The following HAUS5 variants were observed in gnomAD, a reference collection of about 807,000 sequenced individuals.
HAUS5 encodes HAUS augmin-like complex subunit 5.
HAUS5 carries 67 observed loss-of-function variants against 94.1 expected under a neutral mutation model. The observed-to-expected ratio is 0.71, with a 90% CI of 0.58 to 0.87. The LOEUF is 0.87. Among genes scored for constraint, HAUS5 ranks in the 40% least tolerant of loss-of-function variants. The probability of loss-of-function intolerance (pLI) is 0.00; values close to 1 mark genes in which losing one functional copy is unlikely to be tolerated. For synonymous variants in HAUS5, 339 were observed against 355.4 expected, an observed-to-expected ratio of 0.95 and a Z score of 0.52; for missense variants, 739 against 825.6, an observed-to-expected ratio of 0.90 and a Z score of 1.29.
chr19:35,619,570 T>TG, intron 14 of HAUS5, 43 bp from the exon 15 acceptor site: 1 of 1,590,792 alleles, frequency 6.3e-7, no homozygotes, highest in Non-Finnish European at 8.6e-7. Flanking sequence ...TGGGTGGACT[T>TG]GTGATGTTGT....
rs766106681 is a variant in HAUS5, at chr19:35,620,001, C to G, written c.1407-11C>G. 2.9e-5 allele frequency: 46 copies of G among 1,611,340 alleles called. No individual in the cohort carries two copies. Among genetic ancestry groups the G allele is most frequent in the Non-Finnish European group, 3.5e-5 (41 of 1,178,322 alleles). ...AGTCCCCACCCAACCCAGACTTCTC[C>G]CCGCCCGTAGGTTGAAGCCCCTGCC... On this transcript the variant is annotated splice_polypyrimidine_tract_variant and intron_variant, in intron 15 of 18. Coordinates refer to ENST00000203166, the MANE Select transcript of HAUS5 (RefSeq NM_015302.2).
At chr19:35,618,803 C>G in intron 12 of HAUS5, 84 bp from the exon 13 acceptor site, 1 of 1,520,876 alleles carries the variant, frequency 6.6e-7, no homozygotes, top group East Asian at 2.3e-5. Flanking sequence ...GCCTCCTCTC[C>G]CTGCAGTGTC....
At chr19:35,613,846 T>C in intron 2 of HAUS5, 22 bp from the exon 3 acceptor site, 2 of 1,614,078 alleles carry the variant, frequency 1.2e-6, no homozygotes, top group Non-Finnish European at 1.7e-6. Context: ...TAGTAACTCC[T>C]CTTTCTGCCT....
At position 35,620,085 on chromosome 19, in the gene HAUS5, A is replaced by C. The variant is rs1254257969; in HGVS notation, c.1480A>C (p.Ile494Leu). 1.9e-5 allele frequency: 31 copies of C among 1,613,370 alleles called. No homozygotes were observed. The highest frequency in any genetic ancestry group is 2.5e-5 in the Non-Finnish European group (29 of 1,179,850). Residue 494 changes from isoleucine (I) to leucine (L), a missense_variant, in exon 16 of 19, where the codon ATA becomes CTA. Physicochemically the swap from Ile to Leu is conservative, Grantham distance 5. Transcript: ENST00000203166. ...HPASPRGSSF[I>L]ALSHKLGLPP... ...CGCGTCCCCAAGGGGCTCCAGCTTC[A>C]TAGCGCTGAGCCACAAGCTGGGGCT... is the stretch of plus-strand genomic sequence containing the variant.
chr19:35,618,025 C>T, intron 9 of HAUS5, 46 bp from the exon 10 acceptor site: 8 of 1,586,934 alleles, frequency 5.0e-6, no homozygotes, highest in Non-Finnish European at 6.9e-6. Flanking sequence ...TCTCAGCTCA[C>T]AGCCCTGCCC....
intron 17 of HAUS5, among the ~76,000 whole-genome samples, chr19:35,621,982 G>A (rs1376340286): frequency 6.6e-6 from 1 of 152,218 alleles, no homozygotes; most frequent in African/African-American, 2.4e-5. Context: ...CACCGCTAGG[G>A]TGAAGCTAGA....
At chr19:35,617,643 G>A (rs999461369) in intron 8 of HAUS5, among the ~76,000 whole-genome samples, 3 of 152,086 alleles carry the variant, frequency 2.0e-5, no homozygotes, top group African/African-American at 7.2e-5. Flanking sequence ...GTTCTCTGGT[G>A]AGGAGGCTTA....
chr19:35,620,098 A>G lies in HAUS5; in HGVS notation c.1493A>G (p.His498Arg). The change falls in exon 16 of 19, where the codon CAC becomes CGC. Residue 498 changes from histidine to arginine, a missense_variant. Transcript: ENST00000203166. ...PRGSSFIALS[H>R]KLGLPPGKAS... ...GGCTCCAGCTTCATAGCGCTGAGCC[A>G]CAAGCTGGGGCTGCCTCCAGGGAAG... 6.2e-7 allele frequency: 1 copy of G among 1,613,508 alleles called. No homozygotes were observed. The highest frequency in any genetic ancestry group is 8.5e-7 in the Non-Finnish European group (1 of 1,179,796).
Position 35,618,919 on chromosome 19 carries a change from G to T in HAUS5, c.1049G>T (p.Cys350Phe), listed in dbSNP as rs745432675. 6.2e-7 allele frequency: 1 copy of T among 1,612,092 alleles called. No homozygotes were observed. The highest frequency in any genetic ancestry group is 1.7e-5 in the Admixed American group (1 of 59,390). ...QVLILGLRRC[C>F]LWTELKALHD... ...CTGATACTGGGGCTTCGGCGCTGTT[G>T]CCTGTGGACGGAGCTCAAGGCCCTG... Residue 350 changes from cysteine to phenylalanine, a missense_variant, in exon 13 of 19, where the codon TGC (cysteine) becomes TTC (phenylalanine). By Grantham distance (205) the Cys-to-Phe change is radical. Coordinates refer to ENST00000203166, the MANE Select transcript of HAUS5 (RefSeq NM_015302.2).
At position 35,618,940 on chromosome 19, in the gene HAUS5, C is replaced by T. The variant is rs761505107; in HGVS notation, c.1070C>T (p.Ala357Val). 2.5e-6 allele frequency: 4 copies of T among 1,613,686 alleles called. No homozygotes were observed. The highest frequency in any genetic ancestry group is 2.2e-5 in the East Asian group (1 of 44,874). The change falls in exon 13 of 19, where the codon GCC (alanine) becomes GTC (valine). Residue 357 changes from alanine to valine, a missense_variant. Coordinates refer to ENST00000203166, the MANE Select transcript of HAUS5 (RefSeq NM_015302.2). ...RRCCLWTELK[A>V]LHDQSQELQD... Reference sequence around the variant, plus strand: ...TGTTGCCTGTGGACGGAGCTCAAGGCCCTGCACGATCAGAGCCAGGAGCTG... The same window carrying T: ...TGTTGCCTGTGGACGGAGCTCAAGGTCCTGCACGATCAGAGCCAGGAGCTG...
chr19:35,614,224 T>C, intron 4 of HAUS5, 165 bp downstream of exon 4: 1 of 683,962 alleles, frequency 1.5e-6, no homozygotes, highest in South Asian at 1.7e-5. Context: ...CAGCATTAGC[T>C]CAGCCAGGTG....
chr19:35,612,965 C>T (rs1415524345), intron 1 of HAUS5, 73 bp downstream of exon 1: 28 of 1,052,788 alleles, frequency 2.7e-5, no homozygotes, highest in Non-Finnish European at 3.6e-5. Context: ...CTCCACCCCT[C>T]ATTGAGGACT....
intron 17 of HAUS5, among the ~76,000 whole-genome samples, chr19:35,622,077 C>T (rs1235860555): frequency 6.6e-5 from 10 of 152,166 alleles, no homozygotes; most frequent in East Asian, 3.9e-4. Context: ...CCCTGGGAAT[C>T]GGCCAGGCTT....
intron 6 of HAUS5, 28 bp from the exon 7 acceptor site, chr19:35,617,096 C>G: frequency 1.2e-6 from 2 of 1,600,780 alleles, no homozygotes; most frequent in South Asian, 1.1e-5. Flanking sequence ...CCCAGGGACC[C>G]CAGCCCCAGC....
At chr19:35,613,670 A>G in intron 1 of HAUS5, 60 bp from the exon 2 acceptor site, 1 of 1,489,850 alleles carries the variant, frequency 6.7e-7, no homozygotes. Flanking sequence ...TCACCCTAGG[A>G]ATGAGGATCC....
chr19:35,616,637 C>T (rs776376262), intron 6 of HAUS5, among the ~76,000 whole-genome samples: 133 of 152,262 alleles, frequency 8.7e-4, no homozygotes, highest in Non-Finnish European at 1.5e-3. Context: ...CCTGCCTCAG[C>T]CTCCCCAGTA....
At chr19:35,615,530 A>G (rs894735662) in intron 6 of HAUS5, 144 bp downstream of exon 6, 5 of 656,838 alleles carry the variant, frequency 7.6e-6, no homozygotes, top group African/African-American at 5.5e-5. Context: ...AGGTTTTGTC[A>G]TCTCAGTCAC....
chr19:35,620,239 C>T lies in HAUS5; in HGVS notation c.1563C>T (p.Asp521=). Reference sequence around the variant, plus strand: ...CGGCGGCTGCCTCTCTTCGCCAGGACCTTCTGCTCCTGCAGGACCAGCGGA... The same window carrying T: ...CGGCGGCTGCCTCTCTTCGCCAGGATCTTCTGCTCCTGCAGGACCAGCGGA... ...LLPAAASLRQ[D]LLLLQDQRSL... Residue 521 remains aspartate (D), a synonymous_variant, in exon 17 of 19, where the codon GAC becomes GAT. Coordinates refer to ENST00000203166, the MANE Select transcript of HAUS5 (RefSeq NM_015302.2). The T allele has an allele frequency of 1.2e-6, 2 of 1,613,798 alleles. No homozygotes were observed. The highest frequency in any genetic ancestry group is 2.7e-5 in the African/African-American group (2 of 75,006).
rs768027443 is a variant in HAUS5, at chr19:35,613,758, T to C, written c.127T>C (p.Trp43Arg). The change falls in exon 2 of 19, where the codon TGG becomes CGG. Residue 43 changes from tryptophan (W) to arginine (R), a missense_variant. By Grantham distance (101) the Trp-to-Arg change is moderately radical. Coordinates refer to ENST00000203166, the MANE Select transcript of HAUS5 (RefSeq NM_015302.2). ...GTGTCTGGGCCAGGGGGCTGACATC[T>C]GGGCCTACATCTTGCAGCATGTGCA... ...RLCLGQGADI[W>R]AYILQHVHSQ... The C allele has an allele frequency of 6.2e-7, 1 of 1,614,078 alleles. No homozygotes were observed. The highest frequency in any genetic ancestry group is 8.5e-7 in the Non-Finnish European group (1 of 1,180,004).
Sources: allele counts gnomAD v4.1 joint callset (sites outside exome capture counted in the v4.1 genomes callset), GRCh38; gene constraint gnomAD v4.1.1; transcripts MANE v1.5; gene names NCBI Gene and HGNC (gene_info 2026-07-23, HGNC 2026-07-21).